The following ZFYVE28 variants were observed in gnomAD, a reference collection of about 807,000 sequenced individuals.
ZFYVE28 encodes the protein lateral signaling target protein 2 homolog.
A neutral mutation model predicts 82.1 loss-of-function variants in ZFYVE28; 40 were observed. The observed-to-expected ratio is 0.49, with a 90% confidence interval of 0.38 to 0.63. The LOEUF (loss-of-function observed/expected upper bound fraction) is 0.63, where lower values mean the gene tolerates loss of function less well. ZFYVE28 is among the 30% of genes least tolerant of loss of function. The pLI is 0.00. For synonymous variants in ZFYVE28, 612 were observed against 546.1 expected, an observed-to-expected ratio of 1.12 and a Z score of -1.68; for missense variants, 1,321 against 1,242.1, an observed-to-expected ratio of 1.06 and a Z score of -0.96.
rs564454804 is a variant in ZFYVE28, at chr4:2,384,621, G to A, written c.40-30548C>T. ...TGGGGGAGCAGAAGCACAGAGGGCC[G>A]ACCCCTCAGGGCCCGGTGGGAAGGT... On this transcript the variant is annotated intron_variant, in intron 1 of 12. Transcript: ENST00000290974. Among the ~76,000 whole-genome samples, 18 of 152,224 alleles carry A rather than the reference G, an allele frequency of 1.2e-4. No individual in the cohort carries two copies. The South Asian group carries it at 2.7e-3, about 23-fold the overall frequency.
chr4:2,415,624 A>G (rs1256891605), intron 1 of ZFYVE28, among the ~76,000 whole-genome samples: 4 of 152,218 alleles, frequency 2.6e-5, no homozygotes, highest in Non-Finnish European at 4.4e-5. Flanking sequence ...CCCCAGACAC[A>G]TCCTCCCACA....
intron 1 of ZFYVE28, among the ~76,000 whole-genome samples, chr4:2,413,852 C>T (rs914237940): frequency 6.6e-6 from 1 of 152,292 alleles, no homozygotes; most frequent in East Asian, 1.9e-4. Context: ...TCTCATAGGC[C>T]CCACTCGTGC....
intron 1 of ZFYVE28, among the ~76,000 whole-genome samples, chr4:2,401,123 C>T (rs982512784): frequency 1.3e-5 from 2 of 152,150 alleles, no homozygotes; most frequent in Middle Eastern, 3.2e-3. Context: ...GCAGGTGGGC[C>T]GTCACGAGCC....
At chr4:2,395,178 G>T (rs1038677570) in intron 1 of ZFYVE28, among the ~76,000 whole-genome samples, 13 of 151,790 alleles carry the variant, frequency 8.6e-5, no homozygotes, top group Admixed American at 7.9e-4. Context: ...TACCCTACTG[G>T]GGCCTCCCCC....
intron 1 of ZFYVE28, among the ~76,000 whole-genome samples, chr4:2,377,152 GC>G (rs1728239377): frequency 6.6e-6 from 1 of 151,940 alleles, no homozygotes; most frequent in South Asian, 2.1e-4. Flanking sequence ...CTCCCGAGTA[GC>G]TGGGATTACA....
At chr4:2,286,864 CTG>C (rs1712824787) in intron 8 of ZFYVE28, 1 of 152,238 alleles carries the variant, frequency 6.6e-6, no homozygotes, top group South Asian at 2.1e-4. Flanking sequence ...GAATCTGCGA[CTG>C]TGACCTTTTT....
At chr4:2,349,591 T>G (rs1724064534) in intron 2 of ZFYVE28, among the ~76,000 whole-genome samples, 1 of 152,086 alleles carries the variant, frequency 6.6e-6, no homozygotes, top group African/African-American at 2.4e-5. Context: ...TATAACTGAG[T>G]GCCTACTGTG....
chr4:2,371,997 A>C (rs1179366122), intron 1 of ZFYVE28, among the ~76,000 whole-genome samples: 2 of 152,152 alleles, frequency 1.3e-5, no homozygotes, highest in African/African-American at 4.8e-5. Flanking sequence ...CAACTATGAC[A>C]GTGATGGAGC....
intron 1 of ZFYVE28, among the ~76,000 whole-genome samples, chr4:2,356,804 G>T (rs1485052875): frequency 1.3e-5 from 2 of 152,216 alleles, no homozygotes; most frequent in African/African-American, 4.8e-5. Flanking sequence ...GAGCCCCAGG[G>T]AGTGCTGCAC....
chr4:2,402,746 C>G (rs75422871), intron 1 of ZFYVE28, among the ~76,000 whole-genome samples: 7,376 of 152,268 alleles, frequency 0.048, 269 homozygotes, highest in Non-Finnish European at 0.076. Flanking sequence ...CGTTTGTGCT[C>G]TATTTACCCA....
chr4:2,377,165 G>A (rs1264101027), intron 1 of ZFYVE28, among the ~76,000 whole-genome samples: 1 of 151,932 alleles, frequency 6.6e-6, no homozygotes, highest in East Asian at 1.9e-4. Context: ...GGGATTACAG[G>A]CGCCCGCTAC....
chr4:2,413,133 G>T (rs73074345), intron 1 of ZFYVE28, among the ~76,000 whole-genome samples: 8 of 152,156 alleles, frequency 5.3e-5, no homozygotes, highest in African/African-American at 1.9e-4. Context: ...TGCAAATGCC[G>T]CTGGCACAAG....
intron 7 of ZFYVE28, among the ~76,000 whole-genome samples, chr4:2,308,200 G>C (rs375844140): frequency 6.6e-6 from 1 of 152,036 alleles, no homozygotes; most frequent in African/African-American, 2.4e-5. Context: ...GCTCACCGTA[G>C]CCTCGACCTC....
intron 7 of ZFYVE28, among the ~76,000 whole-genome samples, chr4:2,318,333 G>A (rs566463872): frequency 2.1e-4 from 32 of 152,258 alleles, no homozygotes; most frequent in Non-Finnish European, 1.8e-4. Flanking sequence ...CGAGGCGGGC[G>A]GATCACCTGA....
Position 2,273,308 on chromosome 4 carries a change from A to G in ZFYVE28, c.2207-19T>C, listed in dbSNP as rs200420212. The G allele has an allele frequency of 8.1e-4, 1,291 of 1,602,446 alleles. 2 individuals are homozygous for G. The highest frequency in any genetic ancestry group is 1.0e-3 in the Non-Finnish European group (1,178 of 1,174,538). On this transcript the variant is annotated intron_variant, in intron 9 of 12. Coordinates refer to ENST00000290974, the MANE Select transcript of ZFYVE28 (RefSeq NM_020972.3). ...GCCACACCTGAGGAAGGAAGGCCAC[A>G]GTAACCACGACAGAAGGACGGATGG...
chr4:2,305,722 C>T (rs116354093), intron 7 of ZFYVE28, among the ~76,000 whole-genome samples, 186 bp from the exon 8 acceptor site: 1,588 of 152,332 alleles, frequency 0.01, 22 homozygotes, highest in African/African-American at 0.036. Context: ...CCGGTCTCGC[C>T]GGCCAGGACA....
At chr4:2,316,697 CTCT>C (rs1718255865) in intron 7 of ZFYVE28, among the ~76,000 whole-genome samples, 2 of 114,404 alleles carry the variant, frequency 1.7e-5, no homozygotes, top group African/African-American at 6.4e-5. Context: ...TTTCTTGTCT[CTCT>C]TTTTTTTTTT....
chr4:2,297,520 C>T (rs1411766026), intron 8 of ZFYVE28, among the ~76,000 whole-genome samples: 1 of 152,220 alleles, frequency 6.6e-6, no homozygotes. Context: ...CACTGCAATG[C>T]CTGATGCCAC....
At chr4:2,285,998 G>T (rs1288002870) in intron 8 of ZFYVE28, 1 of 152,432 alleles carries the variant, frequency 6.6e-6, no homozygotes, top group Non-Finnish European at 1.5e-5. Context: ...CAGGTCCAGG[G>T]GTCCTTCCAG....
Sources: gnomAD v4.1 joint callset for allele counts (sites outside exome capture counted in the v4.1 genomes callset) on GRCh38, gnomAD v4.1.1 for gene constraint, MANE v1.5 for transcripts, NCBI Gene and HGNC (gene_info 2026-07-23, HGNC 2026-07-21) for gene names.